The following DYSF variants were observed in gnomAD, a reference collection of about 807,000 sequenced individuals.
DYSF encodes dysferlin.
DYSF carries 212 observed loss-of-function variants against 274.9 expected under a neutral mutation model. That is an observed-to-expected ratio of 0.77 (90% CI 0.69 to 0.86). The LOEUF (loss-of-function observed/expected upper bound fraction) is 0.86, where lower values mean the gene tolerates loss of function less well. DYSF is among the 40% of genes least tolerant of loss of function. The pLI is 0.00. For missense variants in DYSF, 2,666 were observed against 2,783.2 expected, an observed-to-expected ratio of 0.96 and a Z score of 0.95; for synonymous variants, 1,091 against 1,078.7, an observed-to-expected ratio of 1.01 and a Z score of -0.22.
At chr2:71,542,351 G>T (rs1192598902) in intron 17 of DYSF, among the ~76,000 whole-genome samples, 1 of 149,506 alleles carries the variant, frequency 6.7e-6, no homozygotes, top group Non-Finnish European at 1.5e-5. Context: ...ATGGGCTATT[G>T]CATTTGTAGT....
intron 23 of DYSF, among the ~76,000 whole-genome samples, chr2:71,562,877 C>T (rs1375147033): frequency 6.6e-6 from 1 of 152,184 alleles, no homozygotes; most frequent in African/African-American, 2.4e-5. Flanking sequence ...AGGCTGGTCA[C>T]GGGCTTCCCT....
intron 45 of DYSF, among the ~76,000 whole-genome samples, chr2:71,663,568 C>T (rs2094940301): frequency 6.6e-6 from 1 of 152,246 alleles, no homozygotes; most frequent in African/African-American, 2.4e-5. Flanking sequence ...CTTAAGTTTC[C>T]CTGAGCATGC....
chr2:71,685,864 G>A (rs964345969), intron 55 of DYSF, among the ~76,000 whole-genome samples: 1 of 152,192 alleles, frequency 6.6e-6, no homozygotes, highest in Non-Finnish European at 1.5e-5. Flanking sequence ...GAAGTGGGGA[G>A]GGGAGGATAC....
At chr2:71,658,147 C>T (rs1202860981) in intron 43 of DYSF, among the ~76,000 whole-genome samples, 1 of 152,196 alleles carries the variant, frequency 6.6e-6, no homozygotes, top group Non-Finnish European at 1.5e-5. Context: ...CGTCTCTCTC[C>T]AGTTCAAAGC....
intron 41 of DYSF, among the ~76,000 whole-genome samples, chr2:71,629,464 G>C (rs2094276250): frequency 6.6e-6 from 1 of 152,184 alleles, no homozygotes; most frequent in South Asian, 2.1e-4. Context: ...ATGGTGCCTA[G>C]TTCCTTATGT....
At chr2:71,578,197 A>G (rs1225514710) in intron 30 of DYSF, among the ~76,000 whole-genome samples, 2 of 152,142 alleles carry the variant, frequency 1.3e-5, no homozygotes, top group African/African-American at 2.4e-5. Flanking sequence ...AAGCCTCCAC[A>G]TGATGCTGAT....
intron 9 of DYSF, among the ~76,000 whole-genome samples, chr2:71,516,682 C>T (rs1476869194): frequency 6.6e-6 from 1 of 152,236 alleles, no homozygotes; most frequent in Non-Finnish European, 1.5e-5. Flanking sequence ...TCCTCTGAAG[C>T]GCACTGCAGC....
rs1394253038 is a variant in DYSF at position 71,569,804 on chromosome 2, C to G, written c.2865-16C>G. ...CCAGCAGAGCAGCAGAGACTCTGAC[C>G]AGCCCTCCTCCACAGTCTGCTCCAT... is the stretch of plus-strand genomic sequence containing the variant. On this transcript the variant is annotated splice_polypyrimidine_tract_variant and intron_variant, in intron 26 of 55. Transcript: ENST00000410020. The G allele has an allele frequency of 2.7e-5, 43 of 1,609,136 alleles. No homozygotes were observed. The highest frequency in any genetic ancestry group is 3.5e-5 in the Non-Finnish European group (41 of 1,176,368).
At chr2:71,568,705 C>T (rs940174467) in intron 26 of DYSF, among the ~76,000 whole-genome samples, 7 of 151,602 alleles carry the variant, frequency 4.6e-5, no homozygotes, top group African/African-American at 1.2e-4. Flanking sequence ...GGACCACAGG[C>T]GTGCGCCATC....
Position 71,520,356 on chromosome 2 carries a change from C to T in DYSF, c.1033+148C>T, listed in dbSNP as rs1420769995. The T allele has an allele frequency of 3.2e-6, 3 of 934,850 alleles. No individual in the cohort carries two copies. The Middle Eastern group carries it at 7.5e-4, about 234-fold the overall frequency. The allele number at this position is 934,850 out of a possible 1,614,324, so 57.9% of individuals were successfully genotyped here. Reference sequence around the variant, plus strand: ...TTGGGAGAGAAAGCAGGTCATTCATCCTCCATGTGAGACAGGCCCTCGGGA... The same window carrying T: ...TTGGGAGAGAAAGCAGGTCATTCATTCTCCATGTGAGACAGGCCCTCGGGA... On this transcript the variant is annotated intron_variant, in intron 11 of 55. Coordinates refer to ENST00000410020, the MANE Select transcript of DYSF (RefSeq NM_001130987.2).
chr2:71,590,674 A>T (rs2093236951), intron 32 of DYSF, among the ~76,000 whole-genome samples: 2 of 151,756 alleles, frequency 1.3e-5, no homozygotes, highest in African/African-American at 4.8e-5. Context: ...CAACTTCTCC[A>T]CCTTCACTCA....
At chr2:71,675,951 C>T (rs1279562165) in intron 52 of DYSF, among the ~76,000 whole-genome samples, 1 of 151,812 alleles carries the variant, frequency 6.6e-6, no homozygotes, top group Middle Eastern at 3.2e-3. Flanking sequence ...TTTTGAAAAA[C>T]CTAATATTCC....
At chr2:71,562,828 G>A (rs1025150070) in intron 23 of DYSF, among the ~76,000 whole-genome samples, 1 of 152,178 alleles carries the variant, frequency 6.6e-6, no homozygotes, top group African/African-American at 2.4e-5. Context: ...TCGCTCAGCT[G>A]TGGACCAACT....
intron 55 of DYSF, among the ~76,000 whole-genome samples, chr2:71,683,642 C>T (rs775588918): frequency 7.9e-5 from 12 of 152,232 alleles, no homozygotes; most frequent in Admixed American, 1.3e-4. Context: ...AGGGCCTGGC[C>T]GTAGGCTGCA....
intron 32 of DYSF, among the ~76,000 whole-genome samples, chr2:71,591,841 T>A (rs1282751488): frequency 6.6e-6 from 1 of 152,242 alleles, no homozygotes; most frequent in Non-Finnish European, 1.5e-5. Flanking sequence ...TGGCCCATCC[T>A]CCAGCTCTGT....
At chr2:71,474,119 T>C (rs908155932) in intron 1 of DYSF, among the ~76,000 whole-genome samples, 1 of 151,928 alleles carries the variant, frequency 6.6e-6, no homozygotes, top group African/African-American at 2.4e-5. Flanking sequence ...AGAGACAGGG[T>C]TTCTCCATGT....
At chr2:71,622,906 C>T (rs1393402131) in intron 41 of DYSF, among the ~76,000 whole-genome samples, 1 of 152,192 alleles carries the variant, frequency 6.6e-6, no homozygotes, top group African/African-American at 2.4e-5. Flanking sequence ...TGAGCCACCG[C>T]ACCTAGCTGA....
chr2:71,588,412 G>A (rs2093145400), intron 30 of DYSF, among the ~76,000 whole-genome samples: 1 of 152,152 alleles, frequency 6.6e-6, no homozygotes, highest in South Asian at 2.1e-4. Flanking sequence ...GGTGGGCATG[G>A]TTTGGAGAGC....
At chr2:71,521,043 G>T in intron 12 of DYSF, 139 bp downstream of exon 12, 1 of 692,778 alleles carries the variant, frequency 1.4e-6, no homozygotes, top group Non-Finnish European at 2.5e-6. Flanking sequence ...TGTGGAACAT[G>T]TAGAAAGGTG....
Sources: gnomAD v4.1 joint callset for allele counts (sites outside exome capture counted in the v4.1 genomes callset) on GRCh38, gnomAD v4.1.1 for gene constraint, MANE v1.5 for transcripts, NCBI Gene and HGNC (gene_info 2026-07-23, HGNC 2026-07-21) for gene names.